CYP2A13: variants seen among roughly 807,000 people sequenced by gnomAD.
CYP2A13 encodes the protein cytochrome P450 family 2 subfamily A member 13.
CYP2A13 carries 30 observed loss-of-function variants against 39.4 expected under a neutral mutation model. The observed-to-expected ratio is 0.76, with a 90% CI of 0.57 to 1.03. The LOEUF is 1.03. Among genes scored for constraint, CYP2A13 ranks in the 50% least tolerant of loss-of-function variants. The pLI is 0.00. For missense variants in CYP2A13, 731 were observed against 648.4 expected, an observed-to-expected ratio of 1.13 and a Z score of -1.38; for synonymous variants, 269 against 254.7, an observed-to-expected ratio of 1.06 and a Z score of -0.54.
chr19:41,089,112 G>C, intron 2 of CYP2A13, 21 bp downstream of exon 2: 1 of 1,611,502 alleles, frequency 6.2e-7, no homozygotes, highest in Non-Finnish European at 8.5e-7. Flanking sequence ...GCCCAAGAGG[G>C]GGAAGGTGGC....
intron 1 of CYP2A13, 45 bp from the exon 2 acceptor site, chr19:41,088,884 G>C: frequency 6.2e-7 from 1 of 1,609,632 alleles, no homozygotes; most frequent in Non-Finnish European, 8.5e-7. Context: ...GGCCCATTCA[G>C]AGTGGGGGCT....
At chr19:41,093,582 C>T in intron 5 of CYP2A13, 48 bp from the exon 6 acceptor site, 1 of 1,612,146 alleles carries the variant, frequency 6.2e-7, no homozygotes, top group Non-Finnish European at 8.5e-7. Flanking sequence ...TAGAAGGGCC[C>T]CAAGAGCATG....
intron 8 of CYP2A13, among the ~76,000 whole-genome samples, 178 bp downstream of exon 8, chr19:41,095,278 G>A (rs565037070): frequency 1.3e-5 from 2 of 152,176 alleles, no homozygotes; most frequent in East Asian, 3.9e-4. Flanking sequence ...CAATACCTGC[G>A]CCCAGGTAAA....
intron 7 of CYP2A13, among the ~76,000 whole-genome samples, chr19:41,094,743 C>G (rs577870947): frequency 6.6e-6 from 1 of 152,152 alleles, no homozygotes; most frequent in East Asian, 1.9e-4. Flanking sequence ...CCTCAAACAC[C>G]CTGCCTAGTG....
At position 41,089,934 on chromosome 19, in the gene CYP2A13, T is replaced by G. The variant is rs990727176; in HGVS notation, c.344-113T>G. ...CCTGGGCACTCGCGCTGAATCCATCTCTCTCCCACCCCACTCCCTCTCTGC... is the reference window on the plus strand; with the variant it reads ...CCTGGGCACTCGCGCTGAATCCATCGCTCTCCCACCCCACTCCCTCTCTGC... On this transcript the variant is annotated intron_variant, in intron 2 of 8. Coordinates refer to ENST00000330436, the MANE Select transcript of CYP2A13 (RefSeq NM_000766.5). The G allele has an allele frequency of 1.1e-5, 15 of 1,317,864 alleles. No homozygotes were observed. The East Asian group carries it at 4.3e-4, about 38-fold the overall frequency. The allele number at this position is 1,317,864 out of a possible 1,614,324, so 81.6% of individuals were successfully genotyped here. A position where few individuals can be genotyped will look rare whatever the true frequency, so the allele number is the denominator to read the frequency against.
Position 41,091,928 on chromosome 19 carries a change from G to C in CYP2A13, c.831+20G>C. 1 of 1,612,534 alleles carries C rather than the reference G, an allele frequency of 6.2e-7. No homozygotes were observed. Among genetic ancestry groups the C allele is most frequent in the South Asian group, 1.1e-5 (1 of 90,826 alleles). On this transcript the variant is annotated intron_variant, in intron 5 of 8. Coordinates refer to ENST00000330436, the MANE Select transcript of CYP2A13 (RefSeq NM_000766.5). ...CAGGAGGTACATCCCAGCAGCCAGT[G>C]CAGGCAGGTGCAAAGCCAGGGAGAG... is the stretch of plus-strand genomic sequence containing the variant.
At chr19:41,090,838 A>G (rs1239489164) in intron 4 of CYP2A13, among the ~76,000 whole-genome samples, 4 of 152,148 alleles carry the variant, frequency 2.6e-5, no homozygotes, top group South Asian at 2.1e-4. Flanking sequence ...ACCTGGGCAC[A>G]TGTTCCCATC....
chr19:41,089,678 A>C (rs2031124512), intron 2 of CYP2A13, among the ~76,000 whole-genome samples: 7 of 141,838 alleles, frequency 4.9e-5, no homozygotes, highest in African/African-American at 7.9e-5. Flanking sequence ...CCCTCCCTCC[A>C]TCTCTCTCTT....
At chr19:41,089,850 C>A (rs1473698067) in intron 2 of CYP2A13, among the ~76,000 whole-genome samples, 197 bp from the exon 3 acceptor site, 1 of 124,624 alleles carries the variant, frequency 8.0e-6, no homozygotes, top group African/African-American at 2.9e-5. Context: ...CTCTCTCTCT[C>A]TCTCTCTCTC....
At chr19:41,093,507 A>T in intron 5 of CYP2A13, 123 bp from the exon 6 acceptor site, 1 of 1,260,892 alleles carries the variant, frequency 7.9e-7, no homozygotes, top group Non-Finnish European at 1.1e-6. Flanking sequence ...GAGTTTGGCA[A>T]ATCTAGGGTC....
chr19:41,089,619 C>G (rs533647351), intron 2 of CYP2A13, among the ~76,000 whole-genome samples: 5 of 152,068 alleles, frequency 3.3e-5, no homozygotes, highest in South Asian at 2.1e-4. Context: ...GCTTAAGAAT[C>G]TTTCACCATT....
chr19:41,093,787 G>T lies in CYP2A13; in HGVS notation c.973+16G>T. ...GAGGTGGAGGGTAAGACTGGAAAGGGAGGAAAGTGAAGGGCCCCAGACCCT... is the reference window on the plus strand; with the variant it reads ...GAGGTGGAGGGTAAGACTGGAAAGGTAGGAAAGTGAAGGGCCCCAGACCCT... On this transcript the variant is annotated intron_variant, in intron 6 of 8. Coordinates refer to ENST00000330436, the MANE Select transcript of CYP2A13 (RefSeq NM_000766.5). 6.2e-7 allele frequency: 1 copy of T among 1,613,418 alleles called. No homozygotes were observed.
At position 41,089,850 on chromosome 19, in the gene CYP2A13, CT is replaced by C. The variant is rs1568366711; in HGVS notation, c.344-196del. ...TCTCTCTCTCTCTCTCTCTCTCTCT[CT>C]CTCTCTCTCTCTCTCTCTCTCGTGC... On this transcript the variant is annotated intron_variant, in intron 2 of 8. Transcript: ENST00000330436. Among the ~76,000 whole-genome samples, 88 of 124,704 alleles carry C rather than the reference CT, an allele frequency of 7.1e-4. 3 individuals are homozygous for C. Among genetic ancestry groups the C allele is most frequent in the African/African-American group, 2.4e-3 (83 of 34,530 alleles). The allele number at this position is 124,704 out of a possible 152,430, so 81.8% of individuals were successfully genotyped here.
At chr19:41,088,815 GCTCCCTGA>G in intron 1 of CYP2A13, 106 bp from the exon 2 acceptor site, 1 of 1,549,522 alleles carries the variant, frequency 6.5e-7, no homozygotes, top group Non-Finnish European at 8.7e-7. Flanking sequence ...GGGATGTCCA[GCTCCCTGA>G]CTGTGAGAAC....
At chr19:41,093,149 A>G (rs1186402462) in intron 5 of CYP2A13, among the ~76,000 whole-genome samples, 3 of 151,876 alleles carry the variant, frequency 2.0e-5, no homozygotes, top group African/African-American at 7.3e-5. Flanking sequence ...AGAGGTTGCA[A>G]TGAGCCGATA....
rs766236242 is a variant in CYP2A13 at position 41,088,940 on chromosome 19, C to T, written c.192C>T (p.Arg64=). ...CCTGCCTCCAACAGATCAGTGAGCG[C>T]TATGGCCCTGTGTTCACCATTCACT... ...MYNSLMKISE[R]YGPVFTIHLG... The change falls in exon 2 of 9, where the codon CGC becomes CGT. Residue 64 remains arginine, a synonymous_variant. Transcript: ENST00000330436. 7.9e-5 allele frequency: 127 copies of T among 1,613,928 alleles called. No individual in the cohort carries two copies. The highest frequency in any genetic ancestry group is 1.0e-4 in the Non-Finnish European group (123 of 1,179,966).
At position 41,091,870 on chromosome 19, in the gene CYP2A13, C is replaced by A; in HGVS notation, c.793C>A (p.Arg265=). The part of the protein sequence containing the change: ...NQRTLDPNSP[R]DFIDSFLIRM... Reference sequence around the variant, plus strand: ...GCGCACGCTGGATCCCAATTCCCCACGGGACTTCATCGACTCCTTTCTCAT... The same window carrying A: ...GCGCACGCTGGATCCCAATTCCCCAAGGGACTTCATCGACTCCTTTCTCAT... Residue 265 remains arginine (R), a synonymous_variant, in exon 5 of 9, where the codon CGG becomes AGG. Coordinates refer to ENST00000330436, the MANE Select transcript of CYP2A13 (RefSeq NM_000766.5). The A allele has an allele frequency of 1.2e-6, 2 of 1,614,238 alleles. No homozygotes were observed. The highest frequency in any genetic ancestry group is 2.2e-5 in the South Asian group (2 of 91,092).
chr19:41,094,979 G>C lies in CYP2A13; in HGVS notation c.1182G>C (p.Met394Ile), dbSNP rs1406946081. 3 of 1,613,956 alleles carry C rather than the reference G, an allele frequency of 1.9e-6. No homozygotes were observed. The highest frequency in any genetic ancestry group is 1.7e-5 in the Admixed American group (1 of 59,986). The change falls in exon 8 of 9, where the codon ATG (methionine) becomes ATC (isoleucine). Residue 394 changes from methionine to isoleucine, a missense_variant. Met to Ile is a conservative substitution (Grantham distance 10). Transcript: ENST00000330436. ...CCCAGGGCACTGAAGTGTTCCCTAT[G>C]CTGGGCTCCGTGCTGAGAGACCCCA... Reference protein sequence around the residue: ...FLPKGTEVFPMLGSVLRDPRF... With the variant: ...FLPKGTEVFPILGSVLRDPRF...
chr19:41,088,518 C>T lies in CYP2A13; in HGVS notation c.47C>T (p.Thr16Ile). 8 of 1,614,032 alleles carry T rather than the reference C, an allele frequency of 5.0e-6. No individual in the cohort carries two copies. Among genetic ancestry groups the T allele is most frequent in the Non-Finnish European group, 5.9e-6 (7 of 1,179,900 alleles). Residue 16 changes from threonine to isoleucine, a missense_variant, in exon 1 of 9, where the codon ACT becomes ATT. Coordinates refer to ENST00000330436, the MANE Select transcript of CYP2A13 (RefSeq NM_000766.5). Reference sequence around the variant, plus strand: ...CTGGTGACCTTGCTGGCCTGCCTGACTGTGATGGTCTTGATGTCAGTCTGG... The same window carrying T: ...CTGGTGACCTTGCTGGCCTGCCTGATTGTGATGGTCTTGATGTCAGTCTGG... ...LLLVTLLACL[T>I]VMVLMSVWRQ...
Sources: gnomAD v4.1 joint callset for allele counts (sites outside exome capture counted in the v4.1 genomes callset) on GRCh38, gnomAD v4.1.1 for gene constraint, MANE v1.5 for transcripts, NCBI Gene and HGNC (gene_info 2026-07-23, HGNC 2026-07-21) for gene names.